UVRAG: variants seen among roughly 807,000 people sequenced by gnomAD.
UVRAG encodes the protein UV radiation resistance-associated gene protein.
Under a neutral mutation model 78.0 loss-of-function variants are expected in UVRAG, and 19 were observed. That is an observed-to-expected ratio of 0.24 (90% CI 0.17 to 0.36). The LOEUF (loss-of-function observed/expected upper bound fraction) is 0.36. Among genes scored for constraint, UVRAG ranks in the 10% least tolerant of loss-of-function variants. The pLI, the probability that UVRAG is intolerant of heterozygous loss-of-function variation, is 1.00. For synonymous variants in UVRAG, 323 were observed against 324.6 expected, an observed-to-expected ratio of 1.00 and a Z score of 0.05; for missense variants, 740 against 853.8, an observed-to-expected ratio of 0.87 and a Z score of 1.66.
chr11:76,110,529 A>G (rs1417202944), intron 13 of UVRAG, among the ~76,000 whole-genome samples: 2 of 152,186 alleles, frequency 1.3e-5, no homozygotes, highest in Non-Finnish European at 2.9e-5. Context: ...TTGTTAATTA[A>G]CAAGTATTTA....
chr11:75,966,085 G>T (rs80250115), intron 7 of UVRAG, among the ~76,000 whole-genome samples: 7,172 of 152,030 alleles, frequency 0.047, 235 homozygotes, highest in African/African-American at 0.096. Context: ...GATGAATTTT[G>T]TCAGATGGTT....
chr11:75,865,148 G>C (rs186635061), intron 3 of UVRAG, among the ~76,000 whole-genome samples: 1 of 151,974 alleles, frequency 6.6e-6, no homozygotes, highest in Non-Finnish European at 1.5e-5. Context: ...TTAGCTGGGC[G>C]TGGTGGCACA....
chr11:76,132,089 A>C (rs1952522266), intron 14 of UVRAG, among the ~76,000 whole-genome samples: 1 of 152,236 alleles, frequency 6.6e-6, no homozygotes, highest in African/African-American at 2.4e-5. Context: ...GTTGCTCTGC[A>C]TTATTTAAGC....
rs1482450763 is a variant in UVRAG, at chr11:76,140,796, G to A, written c.1483G>A (p.Gly495Arg). ...GGGTGCAGATGTAGGCTTCTCTGGG[G>A]GGATCCCTTCACCAGACAAAGGACA... Reference protein sequence around the residue: ...FGGADVGFSGGIPSPDKGHRK... With the variant: ...FGGADVGFSGRIPSPDKGHRK... Residue 495 changes from glycine (G) to arginine (R), a missense_variant, in exon 15 of 15, where the codon GGG (glycine) becomes AGG (arginine). Physicochemically the swap from Gly to Arg is moderately radical, Grantham distance 125. Transcript: ENST00000356136. 48 of 1,613,938 alleles carry A rather than the reference G, an allele frequency of 3.0e-5. No individual in the cohort carries two copies. Among genetic ancestry groups the A allele is most frequent in the Non-Finnish European group, 4.0e-5 (47 of 1,180,010 alleles).
intron 5 of UVRAG, among the ~76,000 whole-genome samples, chr11:75,902,915 C>T (rs551941691): frequency 7.2e-5 from 11 of 152,154 alleles, no homozygotes; most frequent in Non-Finnish European, 1.2e-4. Context: ...AGGATGCTTT[C>T]GTTTTTTATT....
At chr11:75,997,451 GCTAT>G (rs1180016692) in intron 8 of UVRAG, among the ~76,000 whole-genome samples, 1 of 152,204 alleles carries the variant, frequency 6.6e-6, no homozygotes, top group Non-Finnish European at 1.5e-5. Context: ...GAACAGAGAG[GCTAT>G]CTGATTTAAC....
chr11:76,080,829 A>G (rs1313887327), intron 13 of UVRAG, among the ~76,000 whole-genome samples: 3 of 152,206 alleles, frequency 2.0e-5, no homozygotes, highest in African/African-American at 4.8e-5. Context: ...CTAGCTGAGT[A>G]TGTTTCCAGA....
At chr11:76,135,182 T>C (rs1358588768) in intron 14 of UVRAG, among the ~76,000 whole-genome samples, 1 of 152,182 alleles carries the variant, frequency 6.6e-6, no homozygotes, top group African/African-American at 2.4e-5. Flanking sequence ...AGCACTGATA[T>C]AACTAATAAA....
chr11:76,021,064 T>A (rs1950237873), intron 12 of UVRAG, among the ~76,000 whole-genome samples: 1 of 152,146 alleles, frequency 6.6e-6, no homozygotes, highest in Non-Finnish European at 1.5e-5. Flanking sequence ...GCACAGATGC[T>A]CTGTATCTCA....
chr11:75,915,795 A>G (rs563223567), intron 6 of UVRAG, among the ~76,000 whole-genome samples: 5 of 152,254 alleles, frequency 3.3e-5, no homozygotes, highest in African/African-American at 7.2e-5. Context: ...CTGTTTTTTT[A>G]AAGTCCTATT....
Position 75,938,379 on chromosome 11 carries a change from C to T in UVRAG, c.594-23065C>T, listed in dbSNP as rs181905455. 2.0e-5 allele frequency among the ~76,000 whole-genome samples: 3 copies of T among 152,204 alleles called. No homozygotes were observed. The East Asian group carries it at 5.8e-4, about 29-fold the overall frequency. Reference sequence around the variant, plus strand: ...TGCTGCTCATTTTGGATTGTATTTTCCTACTTCTCTGCATATACAGTCATT... The same window carrying T: ...TGCTGCTCATTTTGGATTGTATTTTTCTACTTCTCTGCATATACAGTCATT... On this transcript the variant is annotated intron_variant, in intron 6 of 14. Transcript: ENST00000356136.
At chr11:75,835,815 C>T (rs58725839) in intron 1 of UVRAG, among the ~76,000 whole-genome samples, 2,816 of 152,082 alleles carry the variant, frequency 0.019, 90 homozygotes, top group African/African-American at 0.064. Context: ...ACAAATAGGC[C>T]GGGCATGGTG....
At chr11:76,084,668 A>C (rs959434357) in intron 13 of UVRAG, among the ~76,000 whole-genome samples, 4 of 152,178 alleles carry the variant, frequency 2.6e-5, no homozygotes, top group African/African-American at 9.6e-5. Flanking sequence ...TATACCAGCC[A>C]AAAAGTATTA....
At chr11:75,987,114 G>A (rs189857234) in intron 8 of UVRAG, among the ~76,000 whole-genome samples, 17 of 152,154 alleles carry the variant, frequency 1.1e-4, no homozygotes, top group Middle Eastern at 3.4e-3. Flanking sequence ...TTCCTGTTAC[G>A]TACACCTGGA....
At chr11:76,102,646 T>C (rs1951897612) in intron 13 of UVRAG, among the ~76,000 whole-genome samples, 1 of 152,146 alleles carries the variant, frequency 6.6e-6, no homozygotes, top group South Asian at 2.1e-4. Flanking sequence ...TGTCTCCTGC[T>C]GGTTTTCATG....
intron 14 of UVRAG, among the ~76,000 whole-genome samples, chr11:76,125,936 T>C (rs1952379245): frequency 6.6e-6 from 1 of 151,728 alleles, no homozygotes; most frequent in Non-Finnish European, 1.5e-5. Context: ...TAAATTTAAA[T>C]ATTCTGGCAG....
chr11:76,112,764 T>C (rs1311150857), intron 13 of UVRAG, among the ~76,000 whole-genome samples: 2 of 151,636 alleles, frequency 1.3e-5, no homozygotes, highest in African/African-American at 4.9e-5. Context: ...CTCACTCTTA[T>C]CACGCAGGCT....
intron 6 of UVRAG, among the ~76,000 whole-genome samples, chr11:75,923,377 ACCGTCTCT>A (rs1331302557): frequency 1.3e-5 from 2 of 152,208 alleles, no homozygotes; most frequent in East Asian, 3.8e-4. Flanking sequence ...GGTATAAATT[ACCGTCTCT>A]CCCAAAATCA....
chr11:75,884,212 G>GTCTCTC (rs138821865), intron 4 of UVRAG, among the ~76,000 whole-genome samples: 5,520 of 144,110 alleles, frequency 0.038, 161 homozygotes, highest in East Asian at 0.16. Flanking sequence ...TTTGAGATCA[G>GTCTCTC]TCTCTCTCTC....
Sources: gnomAD v4.1 joint callset for allele counts (sites outside exome capture counted in the v4.1 genomes callset) on GRCh38, gnomAD v4.1.1 for gene constraint, MANE v1.5 for transcripts, NCBI Gene and HGNC (gene_info 2026-07-23, HGNC 2026-07-21) for gene names.